The following HNRNPM variants were observed in gnomAD, a reference collection of about 807,000 sequenced individuals.
The protein encoded by HNRNPM is heterogeneous nuclear ribonucleoprotein M, also known as CEA receptor.
A neutral mutation model predicts 73.1 loss-of-function variants in HNRNPM; 11 were observed. The ratio of observed to expected loss-of-function variants is 0.15; its 90% CI spans 0.09 to 0.25. The LOEUF is 0.25. HNRNPM is among the 10% of genes least tolerant of loss of function. The pLI is 1.00. For missense variants in HNRNPM, 789 were observed against 1,067.9 expected, an observed-to-expected ratio of 0.74 and a Z score of 3.64; for synonymous variants, 407 against 355.2, an observed-to-expected ratio of 1.15 and a Z score of -1.64.
intron 12 of HNRNPM, among the ~76,000 whole-genome samples, chr19:8,476,921 A>C (rs1034487978): frequency 7.7e-6 from 1 of 130,440 alleles, no homozygotes; most frequent in Non-Finnish European, 1.6e-5. Flanking sequence ...GCTATCCAGC[A>C]GATAGCACCC....
At chr19:8,452,762 A>G (rs546674116) in intron 1 of HNRNPM, among the ~76,000 whole-genome samples, 1 of 152,320 alleles carries the variant, frequency 6.6e-6, no homozygotes, top group East Asian at 1.9e-4. Context: ...CACACCAGTG[A>G]TACCTCTGCT....
intron 12 of HNRNPM, among the ~76,000 whole-genome samples, chr19:8,481,953 T>C (rs1970946028): frequency 6.8e-6 from 1 of 147,420 alleles, no homozygotes; most frequent in South Asian, 2.1e-4. Flanking sequence ...TTTGTTGTTG[T>C]TGTTGTTTGG....
intron 2 of HNRNPM, among the ~76,000 whole-genome samples, chr19:8,456,128 A>T (rs1455523671): frequency 6.6e-6 from 1 of 151,980 alleles, no homozygotes; most frequent in Non-Finnish European, 1.5e-5. Context: ...AATAGAGTAG[A>T]CTGGCCATTG....
Position 8,465,419 on chromosome 19 carries a change from T to C in HNRNPM, c.534T>C (p.Thr178=). 6.2e-7 allele frequency: 1 copy of C among 1,613,934 alleles called. No homozygotes were observed. The highest frequency in any genetic ancestry group is 8.5e-7 in the Non-Finnish European group (1 of 1,179,786). ...GACCAGGTGGCCCAGGAATGATTAC[T>C]ATCCCACCCAGTATCCTAAATAATC... is the stretch of plus-strand genomic sequence containing the variant. ...GMGPGGPGMI[T]IPPSILNNPN... Residue 178 remains threonine, a synonymous_variant, in exon 6 of 16, where the codon ACT becomes ACC. Coordinates refer to ENST00000325495, the MANE Select transcript of HNRNPM (RefSeq NM_005968.5).
intron 12 of HNRNPM, among the ~76,000 whole-genome samples, chr19:8,482,221 T>A (rs1970970262): frequency 1.3e-5 from 2 of 152,186 alleles, no homozygotes; most frequent in Admixed American, 1.3e-4. Flanking sequence ...CCTCCCAAAG[T>A]GCTGGGATTA....
chr19:8,446,354 T>C (rs1462188390), intron 1 of HNRNPM, among the ~76,000 whole-genome samples: 1 of 152,198 alleles, frequency 6.6e-6, no homozygotes, highest in Non-Finnish European at 1.5e-5. Flanking sequence ...CCTCATATTG[T>C]AATGTGTGAA....
intron 1 of HNRNPM, among the ~76,000 whole-genome samples, chr19:8,454,572 T>G (rs886597946): frequency 6.6e-6 from 1 of 152,190 alleles, no homozygotes; most frequent in Admixed American, 6.5e-5. Flanking sequence ...CTTTTAATTC[T>G]TTTGGGTGTA....
At chr19:8,464,058 A>C (rs1324734624) in intron 5 of HNRNPM, among the ~76,000 whole-genome samples, 2 of 152,138 alleles carry the variant, frequency 1.3e-5, no homozygotes, top group Non-Finnish European at 2.9e-5. Context: ...CAGCCTGGGC[A>C]ACATGGTGAA....
At chr19:8,461,268 TG>T (rs1969378205) in intron 2 of HNRNPM, among the ~76,000 whole-genome samples, 1 of 152,252 alleles carries the variant, frequency 6.6e-6, no homozygotes, top group South Asian at 2.1e-4. Flanking sequence ...TTAAATTTTT[TG>T]TAAAATAATT....
At chr19:8,448,116 T>G (rs1325242220) in intron 1 of HNRNPM, among the ~76,000 whole-genome samples, 1 of 152,222 alleles carries the variant, frequency 6.6e-6, no homozygotes, top group African/African-American at 2.4e-5. Context: ...GAATTTGGAT[T>G]TTTATCTTGA....
At chr19:8,486,483 C>T in intron 14 of HNRNPM, 78 bp downstream of exon 14, 1 of 1,296,422 alleles carries the variant, frequency 7.7e-7, no homozygotes, top group South Asian at 1.4e-5. Flanking sequence ...AGGATGAAGT[C>T]AGAGGTGGCG....
intron 1 of HNRNPM, among the ~76,000 whole-genome samples, chr19:8,451,158 C>T (rs1269146304): frequency 4.0e-5 from 6 of 151,776 alleles, no homozygotes; most frequent in Admixed American, 3.3e-4. Flanking sequence ...CCACCTGCCT[C>T]GGCCTCCCAA....
intron 1 of HNRNPM, among the ~76,000 whole-genome samples, chr19:8,454,340 G>T (rs1447464900): frequency 6.6e-6 from 1 of 152,152 alleles, no homozygotes; most frequent in Non-Finnish European, 1.5e-5. Flanking sequence ...TTGGCCTTCA[G>T]TGACTGGCTT....
chr19:8,450,136 G>A (rs1968502443), intron 1 of HNRNPM, among the ~76,000 whole-genome samples: 1 of 152,196 alleles, frequency 6.6e-6, no homozygotes, highest in African/African-American at 2.4e-5. Context: ...CACCTTACAT[G>A]CATTAGAGCA....
chr19:8,471,226 G>T (rs1970111379), intron 9 of HNRNPM, 100 bp from the exon 10 acceptor site: 1 of 612,648 alleles, frequency 1.6e-6, no homozygotes, highest in East Asian at 3.2e-5. Flanking sequence ...GGGTGGGTAG[G>T]CTGAAGTGGA....
chr19:8,472,330 C>A (rs1970206243), intron 10 of HNRNPM, among the ~76,000 whole-genome samples: 3 of 152,010 alleles, frequency 2.0e-5, no homozygotes, highest in Admixed American at 2.0e-4. Flanking sequence ...TTGTTGGAAT[C>A]CTTTGAAATT....
chr19:8,452,502 C>A (rs563320), intron 1 of HNRNPM, among the ~76,000 whole-genome samples: 40,305 of 152,066 alleles, frequency 0.27, 6,471 homozygotes, highest in Non-Finnish European at 0.36. Context: ...GAAGGACTTT[C>A]TTTTGGAGTA....
chr19:8,445,373 C>A (rs1314858269), intron 1 of HNRNPM: 1 of 353,096 alleles, frequency 2.8e-6, no homozygotes, highest in Admixed American at 4.7e-5. Context: ...GTCGAGGCCT[C>A]AGGCCCAGCT....
At chr19:8,447,260 CTT>C (rs33978914) in intron 1 of HNRNPM, among the ~76,000 whole-genome samples, 8 of 142,994 alleles carry the variant, frequency 5.6e-5, no homozygotes, top group African/African-American at 1.0e-4. Context: ...CTGTGGAAAA[CTT>C]TTTTTTTTTT....
Sources: gnomAD v4.1 joint callset for allele counts (sites outside exome capture counted in the v4.1 genomes callset) on GRCh38, gnomAD v4.1.1 for gene constraint, MANE v1.5 for transcripts, NCBI Gene and HGNC (gene_info 2026-07-23, HGNC 2026-07-21) for gene names.